The following TELO2 variants were observed in gnomAD, a reference collection of about 807,000 sequenced individuals.
TELO2 encodes telomere maintenance 2.
A neutral mutation model predicts 91.0 loss-of-function variants in TELO2; 71 were observed. The ratio of observed to expected loss-of-function variants is 0.78; its 90% CI spans 0.64 to 0.95. TELO2 has a LOEUF of 0.95. TELO2 is among the 40% of genes least tolerant of loss of function. The pLI is 0.00. For missense variants in TELO2, 1,183 were observed against 1,141.3 expected (o/e 1.04, Z -0.53); for synonymous variants, 584 against 518.9 (o/e 1.13, Z -1.71).
rs1432076740 is a variant in TELO2, at chr16:1,505,256, A to C, written c.1843-154A>C. Reference sequence around the variant, plus strand: ...TACCAAGGCGCGGTTGCTGTGAGCTACGGGGAAGTGACTTTTCTCCTTGTT... The same window carrying C: ...TACCAAGGCGCGGTTGCTGTGAGCTCCGGGGAAGTGACTTTTCTCCTTGTT... On this transcript the variant is annotated intron_variant, in intron 15 of 20. Transcript: ENST00000262319. The surrounding 1 kb of genome is among the most constrained non-coding windows in gnomAD (Gnocchi z 4.3). 6 of 869,064 alleles carry C rather than the reference A, an allele frequency of 6.9e-6. No homozygotes were observed. The highest frequency in any genetic ancestry group is 8.6e-6 in the Non-Finnish European group (5 of 584,660). 53.8% of individuals were successfully genotyped at this position (869,064 alleles called of 1,614,324 possible). A position where few individuals can be genotyped will look rare whatever the true frequency, so the allele number is the denominator to read the frequency against.
chr16:1,506,683 G>GC (rs77618358), intron 17 of TELO2: 166,789 of 1,376,204 alleles, frequency 0.12, 11,291 homozygotes, highest in Admixed American at 0.25. Flanking sequence ...TCTCGAGATG[G>GC]CAGAGAAGTG....
At chr16:1,504,813 G>A (rs899944190) in intron 15 of TELO2, among the ~76,000 whole-genome samples, 2 of 151,988 alleles carry the variant, frequency 1.3e-5, no homozygotes, top group South Asian at 2.1e-4. Context: ...CGCCTCAGCC[G>A]TAACTGGTTC....
chr16:1,506,907 G>A, intron 17 of TELO2, 45 bp from the exon 18 acceptor site: 1 of 1,545,802 alleles, frequency 6.5e-7, no homozygotes, highest in Non-Finnish European at 8.7e-7. Context: ...TGGGGACCTG[G>A]CCCTGAGGCA....
chr16:1,500,810 C>T (rs1039769668), intron 9 of TELO2, 111 bp downstream of exon 9: 19 of 1,481,396 alleles, frequency 1.3e-5, no homozygotes, highest in Non-Finnish European at 1.6e-5. Context: ...ACTTGCGGAG[C>T]GTCCGTGTGG....
chr16:1,508,984 A>C (rs1309036103), intron 20 of TELO2, among the ~76,000 whole-genome samples: 1 of 151,046 alleles, frequency 6.6e-6, no homozygotes, highest in Non-Finnish European at 1.5e-5. Context: ...GCTGCTGCCC[A>C]ACCCCTCCTC....
intron 2 of TELO2, 30 bp from the exon 3 acceptor site, chr16:1,495,316 C>T (rs375696769): frequency 2.1e-4 from 313 of 1,508,774 alleles, no homozygotes; most frequent in East Asian, 1.4e-3. Flanking sequence ...TGGGGGTTGG[C>T]GGCTCTGCCC....
At chr16:1,502,432 A>G (rs747540846) in intron 13 of TELO2, 28 bp downstream of exon 13, 27 of 1,571,930 alleles carry the variant, frequency 1.7e-5, no homozygotes, top group Admixed American at 5.6e-5. Flanking sequence ...GTGGGTGGGG[A>G]GGCCCAAGAT....
At position 1,500,455 on chromosome 16, in the gene TELO2, C is replaced by A. The variant is rs142731932; in HGVS notation, c.1111C>A (p.Leu371Ile). 44 of 1,610,456 alleles carry A rather than the reference C, an allele frequency of 2.7e-5. No individual in the cohort carries two copies. Among genetic ancestry groups the A allele is most frequent in the Non-Finnish European group, 3.1e-5 (36 of 1,179,300 alleles). Reference protein sequence around the residue: ...SKAVLICLAQLGEPELRDSRD... With the variant: ...SKAVLICLAQIGEPELRDSRD... ...GGCTGTCCTCATCTGCCTGGCGCAACTCGGGGAGCCGGAACTGCGGGACAG... is the reference window on the plus strand; with the variant it reads ...GGCTGTCCTCATCTGCCTGGCGCAAATCGGGGAGCCGGAACTGCGGGACAG... Residue 371 changes from leucine to isoleucine, a missense_variant, in exon 8 of 21, where the codon CTC (leucine) becomes ATC (isoleucine). Coordinates refer to ENST00000262319, the MANE Select transcript of TELO2 (RefSeq NM_016111.4).
Position 1,505,213 on chromosome 16 carries a change from C to T in TELO2, c.1843-197C>T, listed in dbSNP as rs2039845486. On this transcript the variant is annotated intron_variant, in intron 15 of 20. Transcript: ENST00000262319. This position sits in a 1 kb window ranked among gnomAD's most constrained non-coding sequence, Gnocchi z 4.3. ...TCATCTCCTGGAGCACGGTGCCCAC[C>T]TTCCCCACCTTCCCGCCTACCAAGG... 5 of 619,656 alleles carry T rather than the reference C, an allele frequency of 8.1e-6. No homozygotes were observed. Among genetic ancestry groups the T allele is most frequent in the Non-Finnish European group, 1.4e-5 (5 of 362,660 alleles). The allele number at this position is 619,656 out of a possible 1,614,324, so 38.4% of individuals were successfully genotyped here.
intron 14 of TELO2, 76 bp downstream of exon 14, chr16:1,502,837 G>C (rs1038099019): frequency 3.1e-5 from 49 of 1,601,918 alleles, no homozygotes; most frequent in Non-Finnish European, 3.7e-5. Context: ...CCTGAGTCTC[G>C]GTCCTGTGCT....
rs1223200358 is a variant in TELO2 at position 1,494,028 on chromosome 16, G to A, written c.-36-218G>A. Reference sequence around the variant, plus strand: ...GAATGTTCCCTGGGCACAGTGGCCCGGGTTGAGAAGCCCTGCAGTGGCTGG... The same window carrying A: ...GAATGTTCCCTGGGCACAGTGGCCCAGGTTGAGAAGCCCTGCAGTGGCTGG... On this transcript the variant is annotated intron_variant, in intron 1 of 20. Coordinates refer to ENST00000262319, the MANE Select transcript of TELO2 (RefSeq NM_016111.4). The surrounding 1 kb of genome is among the most constrained non-coding windows in gnomAD (Gnocchi z 5.6). 1.3e-5 allele frequency among the ~76,000 whole-genome samples: 2 copies of A among 152,204 alleles called. No homozygotes were observed. Among genetic ancestry groups the A allele is most frequent in the Non-Finnish European group, 2.9e-5 (2 of 68,036 alleles).
intron 16 of TELO2, 27 bp from the exon 17 acceptor site, chr16:1,506,211 C>T (rs371056373): frequency 8.0e-5 from 129 of 1,611,752 alleles, no homozygotes; most frequent in East Asian, 1.8e-4. Flanking sequence ...CCTGCACCTC[C>T]GTGATCGCTG....
Position 1,502,379 on chromosome 16 carries a change from A to T in TELO2, c.1628A>T (p.Tyr543Phe). 6.2e-7 allele frequency: 1 copy of T among 1,603,430 alleles called. No homozygotes were observed. The highest frequency in any genetic ancestry group is 8.5e-7 in the Non-Finnish European group (1 of 1,176,932). ...AALRALEGLV[Y>F]RSPTATREVS... ...CTGCGGGCCCTTGAGGGCCTGGTCTACAGGAGCCCCACAGCCACTCGGGAG... is the reference window on the plus strand; with the variant it reads ...CTGCGGGCCCTTGAGGGCCTGGTCTTCAGGAGCCCCACAGCCACTCGGGAG... Residue 543 changes from tyrosine to phenylalanine, a missense_variant, in exon 13 of 21, where the codon TAC (tyrosine) becomes TTC (phenylalanine). Tyr to Phe is a conservative substitution (Grantham distance 22). Transcript: ENST00000262319.
At position 1,501,734 on chromosome 16, in the gene TELO2, C is replaced by T. The variant is rs755516702; in HGVS notation, c.1433C>T (p.Pro478Leu). 8.1e-6 allele frequency: 13 copies of T among 1,611,842 alleles called. No homozygotes were observed. In the African/African-American group the frequency reaches 1.5e-4, roughly 18 times the overall value. Residue 478 changes from proline to leucine, a missense_variant, in exon 11 of 21, where the codon CCC becomes CTC. By Grantham distance (98) the Pro-to-Leu change is moderately conservative. Coordinates refer to ENST00000262319, the MANE Select transcript of TELO2 (RefSeq NM_016111.4). The stretch of plus-strand genomic sequence containing the variant: ...GCAGAGATCGTGGATGGCGGCGTCC[C>T]CCAAGCACAGCTGGCGGGCTCTGAC... ...TPAEIVDGGV[P>L]QAQLAGSDSD...
Position 1,505,327 on chromosome 16 carries a change from T to A in TELO2, c.1843-83T>A. The A allele has an allele frequency of 6.7e-7, 1 of 1,501,422 alleles. No homozygotes were observed. The highest frequency in any genetic ancestry group is 8.9e-7 in the Non-Finnish European group (1 of 1,117,794). 93.0% of individuals were successfully genotyped at this position (1,501,422 alleles called of 1,614,324 possible). The stretch of plus-strand genomic sequence containing the variant: ...AGGCTGGGCGGGCCCCCGGGCCCGT[T>A]TCTGGGGCTTTGGCTGACTTGACTC... On this transcript the variant is annotated intron_variant, in intron 15 of 20. Transcript: ENST00000262319. This position sits in a 1 kb window ranked among gnomAD's most constrained non-coding sequence, Gnocchi z 4.3.
chr16:1,500,815 G>A (rs903728024), intron 9 of TELO2, 116 bp downstream of exon 9: 51 of 1,457,152 alleles, frequency 3.5e-5, no homozygotes, highest in African/African-American at 1.4e-4. Context: ...CGGAGCGTCC[G>A]TGTGGACTTC....
intron 20 of TELO2, among the ~76,000 whole-genome samples, chr16:1,508,588 G>C (rs888516158): frequency 6.6e-6 from 1 of 152,220 alleles, no homozygotes; most frequent in African/African-American, 2.4e-5. Context: ...TCAGACCTCT[G>C]TGCTGGGGGG....
intron 15 of TELO2, among the ~76,000 whole-genome samples, chr16:1,504,944 A>T: frequency 6.6e-6 from 1 of 151,590 alleles, no homozygotes; most frequent in East Asian, 1.9e-4. Context: ...AGTCGCCCCG[A>T]CCCTCCCAGC....
rs566142875 is a variant in TELO2 at position 1,499,701 on chromosome 16, G to C, written c.933+368G>C. ...CGTCCCCATGGCCTGGAGCCCGGAG[G>C]GGGTGAGCCAGGTCCCCTGAGCCCA... On this transcript the variant is annotated intron_variant, in intron 6 of 20. Transcript: ENST00000262319. Among the ~76,000 whole-genome samples, 7 of 152,284 alleles carry C rather than the reference G, an allele frequency of 4.6e-5. No homozygotes were observed. The East Asian group carries it at 1.2e-3, about 25-fold the overall frequency.
Sources: allele counts gnomAD v4.1 joint callset (sites outside exome capture counted in the v4.1 genomes callset), GRCh38; gene constraint gnomAD v4.1.1; non-coding constraint Gnocchi (gnomAD v3.1); transcripts MANE v1.5; gene names NCBI Gene and HGNC (gene_info 2026-07-23, HGNC 2026-07-21).